CPED1: variants seen among roughly 807,000 people sequenced by gnomAD.
CPED1 encodes the protein cadherin-like and PC-esterase domain-containing protein 1.
A neutral mutation model predicts 128.2 loss-of-function variants in CPED1; 114 were observed. That is an observed-to-expected ratio of 0.89 (90% confidence interval 0.76 to 1.04). The LOEUF is 1.04. Ranked by LOEUF, CPED1 falls within the 50% of genes least tolerant of loss-of-function variation. CPED1 has a pLI of 0.00. For missense variants in CPED1, 1,211 were observed against 1,207.1 expected (o/e 1.00, Z -0.05); for synonymous variants, 462 against 426.7 (o/e 1.08, Z -1.02).
chr7:121,160,355 T>C (rs917313555), intron 16 of CPED1, among the ~76,000 whole-genome samples: 6 of 152,146 alleles, frequency 3.9e-5, no homozygotes, highest in South Asian at 2.1e-4. Flanking sequence ...CCTCAGACTT[T>C]CATATATTTG....
At chr7:121,005,299 C>T (rs143524600) in intron 2 of CPED1, among the ~76,000 whole-genome samples, 359 of 152,174 alleles carry the variant, frequency 2.4e-3, no homozygotes, top group African/African-American at 8.2e-3. Context: ...ACGGTGTTTA[C>T]GTGCCACATT....
At chr7:121,115,315 AC>A (rs1196836953) in intron 7 of CPED1, among the ~76,000 whole-genome samples, 2 of 152,194 alleles carry the variant, frequency 1.3e-5, no homozygotes, top group East Asian at 3.9e-4. Context: ...GTGTAAGGTA[AC>A]TGACATGAGA....
chr7:121,295,458 T>A lies in CPED1; in HGVS notation c.2887T>A (p.Ser963Thr). 6.2e-7 allele frequency: 1 copy of A among 1,612,282 alleles called. No individual in the cohort carries two copies. Among genetic ancestry groups the A allele is most frequent in the Non-Finnish European group, 8.5e-7 (1 of 1,179,120 alleles). Reference protein sequence around the residue: ...HFHEVVKSKLSKEYNFIKMKR... With the variant: ...HFHEVVKSKLTKEYNFIKMKR... ...TTTACAGGTAGTGAAATCAAAGTTATCCAAAGAATATAACTTTATTAAAAT... is the reference window on the plus strand; with the variant it reads ...TTTACAGGTAGTGAAATCAAAGTTAACCAAAGAATATAACTTTATTAAAAT... The change falls in exon 23 of 23, where the codon TCC becomes ACC. Residue 963 changes from serine (S) to threonine (T), a missense_variant. By Grantham distance (58) the Ser-to-Thr change is moderately conservative. Coordinates refer to ENST00000310396, the MANE Select transcript of CPED1 (RefSeq NM_024913.5).
chr7:121,176,671 C>G (rs1796785994), intron 16 of CPED1, among the ~76,000 whole-genome samples: 1 of 151,988 alleles, frequency 6.6e-6, no homozygotes, highest in South Asian at 2.1e-4. Context: ...TGAAGAGGAC[C>G]ATTTTTAAAT....
At chr7:121,033,412 A>G (rs761776290) in intron 3 of CPED1, among the ~76,000 whole-genome samples, 19 of 152,216 alleles carry the variant, frequency 1.2e-4, no homozygotes, top group Admixed American at 3.9e-4. Flanking sequence ...TGTCGGATTT[A>G]TCTGCCTGTA....
At chr7:120,995,749 C>T (rs1445495169) in intron 2 of CPED1, among the ~76,000 whole-genome samples, 11 of 152,144 alleles carry the variant, frequency 7.2e-5, no homozygotes, top group Non-Finnish European at 4.4e-5. Flanking sequence ...TTCCCTGTAC[C>T]TTGCTCCTCA....
chr7:121,249,627 T>C (rs1798621588), intron 18 of CPED1, among the ~76,000 whole-genome samples: 1 of 152,128 alleles, frequency 6.6e-6, no homozygotes, highest in South Asian at 2.1e-4. Flanking sequence ...AAGCAAACAC[T>C]GAGGGAATTT....
chr7:121,104,740 T>A (rs1444747649), intron 7 of CPED1, among the ~76,000 whole-genome samples: 1 of 152,082 alleles, frequency 6.6e-6, no homozygotes, highest in East Asian at 1.9e-4. Flanking sequence ...TATAATCAGC[T>A]CCCTATAAAT....
intron 16 of CPED1, among the ~76,000 whole-genome samples, chr7:121,192,642 G>T (rs1797169864): frequency 1.7e-4 from 1 of 5,838 alleles, no homozygotes; most frequent in Non-Finnish European, 6.7e-3. Flanking sequence ...CTGCAGGTCA[G>T]GCTTTGAGGG....
intron 2 of CPED1, 25 bp from the exon 3 acceptor site, chr7:121,015,640 G>T: frequency 1.9e-6 from 3 of 1,577,264 alleles, no homozygotes; most frequent in Admixed American, 3.9e-5. Context: ...TTTTTATATT[G>T]AATTTTTATG....
intron 18 of CPED1, among the ~76,000 whole-genome samples, chr7:121,247,396 G>A (rs1380307888): frequency 6.6e-6 from 1 of 152,250 alleles, no homozygotes; most frequent in East Asian, 1.9e-4. Flanking sequence ...AGAACAAAAG[G>A]TGAACAAGAG....
intron 21 of CPED1, among the ~76,000 whole-genome samples, chr7:121,268,727 T>C (rs1792179806): frequency 6.6e-6 from 1 of 151,892 alleles, no homozygotes; most frequent in South Asian, 2.1e-4. Context: ...AAGCACACCA[T>C]GCTCTCAGTC....
intron 16 of CPED1, among the ~76,000 whole-genome samples, chr7:121,191,216 G>A (rs1008918998): frequency 2.6e-5 from 4 of 152,048 alleles, no homozygotes; most frequent in East Asian, 1.9e-4. Flanking sequence ...CAAACTCTTC[G>A]AAAAACACCG....
intron 5 of CPED1, among the ~76,000 whole-genome samples, chr7:121,066,960 TA>T (rs1454666040): frequency 6.6e-6 from 1 of 152,070 alleles, no homozygotes; most frequent in Non-Finnish European, 1.5e-5. Flanking sequence ...AAAGATGACT[TA>T]AAATATACAG....
chr7:121,171,468 CTTTT>C (rs1169836695), intron 16 of CPED1, among the ~76,000 whole-genome samples: 1 of 152,088 alleles, frequency 6.6e-6, no homozygotes, highest in African/African-American at 2.4e-5. Context: ...CCCAATTCTG[CTTTT>C]ATTCATATGA....
chr7:121,060,039 T>C (rs1475398031), intron 4 of CPED1, among the ~76,000 whole-genome samples: 2 of 146,032 alleles, frequency 1.4e-5, no homozygotes, highest in African/African-American at 5.6e-5. Flanking sequence ...CGGGTGGGCG[T>C]GGGCTTGGCG....
At chr7:121,007,117 C>G (rs1792037148) in intron 2 of CPED1, among the ~76,000 whole-genome samples, 1 of 152,070 alleles carries the variant, frequency 6.6e-6, no homozygotes, top group African/African-American at 2.4e-5. Context: ...CAAGATTCAC[C>G]CTATGCGTAG....
At chr7:121,185,285 G>A (rs983384461) in intron 16 of CPED1, among the ~76,000 whole-genome samples, 2 of 152,056 alleles carry the variant, frequency 1.3e-5, no homozygotes, top group African/African-American at 4.8e-5. Context: ...TACAGAGATG[G>A]CAAAAGATGC....
intron 21 of CPED1, among the ~76,000 whole-genome samples, chr7:121,271,056 CTG>C (rs1427888136): frequency 3.3e-5 from 5 of 151,994 alleles, no homozygotes; most frequent in Admixed American, 6.6e-5. Flanking sequence ...AAGTTCAAAA[CTG>C]TGTGTCACTG....
Sources: gnomAD v4.1 joint callset for allele counts (sites outside exome capture counted in the v4.1 genomes callset) on GRCh38, gnomAD v4.1.1 for gene constraint, MANE v1.5 for transcripts, NCBI Gene and HGNC (gene_info 2026-07-23, HGNC 2026-07-21) for gene names.